Variants in KSR2 observed in about 807,000 individuals in gnomAD.
KSR2 encodes kinase suppressor of ras 2.
KSR2 carries 25 observed loss-of-function variants against 107.8 expected under a neutral mutation model. That is an observed-to-expected ratio of 0.23 (90% CI 0.17 to 0.32). The LOEUF is 0.32. Among genes scored for constraint, KSR2 ranks in the 10% least tolerant of loss-of-function variants. The pLI is 1.00. For synonymous variants in KSR2, 480 were observed against 507.0 expected, an observed-to-expected ratio of 0.95 and a Z score of 0.71; for missense variants, 887 against 1,268.9, an observed-to-expected ratio of 0.70 and a Z score of 4.57.
At chr12:117,904,818 C>T (rs1894790517) in intron 1 of KSR2, among the ~76,000 whole-genome samples, 1 of 152,196 alleles carries the variant, frequency 6.6e-6, no homozygotes, top group South Asian at 2.1e-4. Context: ...TTGTCACCTG[C>T]ACACCGTCCT....
At chr12:117,946,799 C>T (rs1199589402) in intron 1 of KSR2, among the ~76,000 whole-genome samples, 1 of 152,090 alleles carries the variant, frequency 6.6e-6, no homozygotes, top group Non-Finnish European at 1.5e-5. Flanking sequence ...CCCAGGAATG[C>T]AAGGCTGGTT....
intron 4 of KSR2, among the ~76,000 whole-genome samples, chr12:117,687,815 G>A (rs1044004102): frequency 1.3e-5 from 2 of 151,900 alleles, no homozygotes; most frequent in Admixed American, 6.6e-5. Flanking sequence ...ACACACGATG[G>A]AAAAAAATAT....
At chr12:117,672,700 C>T (rs1261546057) in intron 4 of KSR2, among the ~76,000 whole-genome samples, 1 of 152,104 alleles carries the variant, frequency 6.6e-6, no homozygotes, top group East Asian at 1.9e-4. Context: ...TCTCGGCCCA[C>T]CACAACCTCT....
rs1411086457 is a variant in KSR2, at chr12:117,590,816, C to A, written c.1172-8457G>T. ...CAAACAAAAAATAATTATTACCTGG[C>A]CCTTTAAAGAAAAAGTGTGCCAAGT... On this transcript the variant is annotated intron_variant, in intron 5 of 19. Transcript: ENST00000339824. Among the ~76,000 whole-genome samples the A allele has an allele frequency of 2.6e-5, 4 of 152,254 alleles. No homozygotes were observed. In the East Asian group the frequency reaches 7.7e-4, roughly 29 times the overall value.
At chr12:117,472,895 G>T (rs1041470168) in intron 17 of KSR2, among the ~76,000 whole-genome samples, 10 of 152,082 alleles carry the variant, frequency 6.6e-5, no homozygotes, top group Admixed American at 2.6e-4. Flanking sequence ...ACCCTGGAGG[G>T]TCTGCCCCTT....
rs182183300 is a variant in KSR2 at position 117,789,445 on chromosome 12, C to A, written c.473-27921G>T. On this transcript the variant is annotated intron_variant, in intron 3 of 19. Coordinates refer to ENST00000339824, the MANE Select transcript of KSR2 (RefSeq NM_173598.6). ...CTCTGAGATGCTTCCACCTCTGTTG[C>A]CTCATGTATCCACCAGGGAAAACTT... 1.4e-3 allele frequency among the ~76,000 whole-genome samples: 206 copies of A among 152,336 alleles called. 1 individual carries two copies. Among genetic ancestry groups the A allele is most frequent in the African/African-American group, 4.7e-3 (194 of 41,570 alleles).
intron 7 of KSR2, 74 bp downstream of exon 7, chr12:117,579,045 G>A (rs1879473519): frequency 2.1e-5 from 21 of 1,023,368 alleles, no homozygotes; most frequent in Non-Finnish European, 2.7e-5. Context: ...ACTCCCAAAG[G>A]CTGTTCAGTG....
chr12:117,574,586 A>G (rs4767568), intron 7 of KSR2, among the ~76,000 whole-genome samples: 25,261 of 152,150 alleles, frequency 0.17, 2,388 homozygotes, highest in East Asian at 0.39. Context: ...GACAGCATGC[A>G]GGAAATGGCC....
chr12:117,651,339 T>C (rs1320531147), intron 5 of KSR2, among the ~76,000 whole-genome samples: 1 of 152,160 alleles, frequency 6.6e-6, no homozygotes, highest in East Asian at 1.9e-4. Context: ...CACACTCAAG[T>C]CCCAGAGGGT....
chr12:117,481,858 C>T (rs991675692), intron 16 of KSR2, among the ~76,000 whole-genome samples: 1 of 152,136 alleles, frequency 6.6e-6, no homozygotes, highest in African/African-American at 2.4e-5. Flanking sequence ...TGGCCTCTGG[C>T]GGCTGCACTA....
intron 1 of KSR2, among the ~76,000 whole-genome samples, chr12:117,953,897 C>G (rs1195065527): frequency 6.6e-6 from 1 of 152,146 alleles, no homozygotes; most frequent in South Asian, 2.1e-4. Flanking sequence ...TGAGACTGGC[C>G]TGGGCAAGAT....
intron 1 of KSR2, among the ~76,000 whole-genome samples, chr12:117,865,995 C>A (rs1050551219): frequency 4.0e-5 from 6 of 151,246 alleles, no homozygotes; most frequent in Admixed American, 6.6e-5. Flanking sequence ...GATACTATGT[C>A]TTTAACAACT....
chr12:117,730,977 G>T (rs1380711348), intron 4 of KSR2, among the ~76,000 whole-genome samples: 1 of 151,642 alleles, frequency 6.6e-6, no homozygotes, highest in African/African-American at 2.4e-5. Flanking sequence ...CCATCGTCTG[G>T]GATGTGAGGA....
chr12:117,470,340 AT>A (rs1305487914), intron 18 of KSR2, among the ~76,000 whole-genome samples: 1 of 151,676 alleles, frequency 6.6e-6, no homozygotes, highest in Non-Finnish European at 1.5e-5. Context: ...GCATCTATAC[AT>A]CCACCCATCT....
At chr12:117,605,928 T>A (rs12305742) in intron 5 of KSR2, among the ~76,000 whole-genome samples, 1 of 152,144 alleles carries the variant, frequency 6.6e-6, no homozygotes, top group Non-Finnish European at 1.5e-5. Context: ...AACAAACGGC[T>A]TATTTTATGC....
rs1053799290 is a variant in KSR2 at position 117,925,510 on chromosome 12, A to G, written c.180+42566T>C. ...ACCTTACTCTTTAAAGGAGAAGATC[A>G]TTAATGCTGACAGTTTTTAATCAAT... On this transcript the variant is annotated intron_variant, in intron 1 of 19. Coordinates refer to ENST00000339824, the MANE Select transcript of KSR2 (RefSeq NM_173598.6). Among the ~76,000 whole-genome samples the G allele has an allele frequency of 2.6e-5, 4 of 152,246 alleles. No homozygotes were observed. In the East Asian group the frequency reaches 7.7e-4, roughly 29 times the overall value.
intron 4 of KSR2, among the ~76,000 whole-genome samples, chr12:117,726,717 C>A (rs1192218195): frequency 6.6e-6 from 1 of 152,204 alleles, no homozygotes; most frequent in Non-Finnish European, 1.5e-5. Flanking sequence ...GTAAAATATG[C>A]AAGCACTTTG....
At chr12:117,492,684 T>C (rs1872808854) in intron 14 of KSR2, among the ~76,000 whole-genome samples, 2 of 152,174 alleles carry the variant, frequency 1.3e-5, no homozygotes, top group Admixed American at 6.5e-5. Flanking sequence ...ACTCTTGAGA[T>C]AGACAGATTA....
chr12:117,737,853 T>TA (rs11413008), intron 4 of KSR2, among the ~76,000 whole-genome samples: 42,056 of 149,504 alleles, frequency 0.28, 6,052 homozygotes, highest in East Asian at 0.45. Context: ...ATCTGATGAA[T>TA]CATCCAATGT....
Sources: gnomAD v4.1 joint callset for allele counts (sites outside exome capture counted in the v4.1 genomes callset) on GRCh38, gnomAD v4.1.1 for gene constraint, MANE v1.5 for transcripts, NCBI Gene and HGNC (gene_info 2026-07-23, HGNC 2026-07-21) for gene names.